DRG1: variants seen among roughly 807,000 people sequenced by gnomAD.
The protein encoded by DRG1 is developmentally-regulated GTP-binding protein 1.
A neutral mutation model predicts 38.8 loss-of-function variants in DRG1; 19 were observed. The observed-to-expected ratio is 0.49, with a 90% CI of 0.34 to 0.72. The LOEUF is 0.72. Ranked by LOEUF, DRG1 falls within the 30% of genes least tolerant of loss-of-function variation. DRG1 has a pLI of 0.01. For missense variants in DRG1, 299 were observed against 444.8 expected (o/e 0.67, Z 2.95); for synonymous variants, 167 against 157.5 (o/e 1.06, Z -0.45).
rs1357380410 is a variant in DRG1, at chr22:31,399,726, G to A, written c.42+1G>A. On this transcript the variant is annotated splice_donor_variant, in intron 1 of 8. Coordinates refer to ENST00000331457, the MANE Select transcript of DRG1 (RefSeq NM_004147.4). LOFTEE classifies it high-confidence loss of function. ...TAAGATCGCGGAGATAGAAGCAGAG[G>A]TAATGGACGCAGCTGGCGGTTCACT... is the stretch of plus-strand genomic sequence containing the variant. The A allele has an allele frequency of 6.2e-7, 1 of 1,614,000 alleles. No homozygotes were observed. Among genetic ancestry groups the A allele is most frequent in the Non-Finnish European group, 8.5e-7 (1 of 1,179,866 alleles).
At chr22:31,427,022 C>G (rs1370790810) in intron 7 of DRG1, 38 bp from the exon 8 acceptor site, 1 of 1,612,176 alleles carries the variant, frequency 6.2e-7, no homozygotes, top group Non-Finnish European at 8.5e-7. Context: ...ATGAGATAGT[C>G]TAAGAAGGCA....
intron 6 of DRG1, among the ~76,000 whole-genome samples, chr22:31,424,405 C>T (rs901849378): frequency 1.2e-4 from 18 of 151,740 alleles, no homozygotes; most frequent in Non-Finnish European, 2.6e-4. Flanking sequence ...CCTGCCTTGG[C>T]CTGCCAGAAT....
intron 6 of DRG1, among the ~76,000 whole-genome samples, chr22:31,424,703 G>T (rs2050098468): frequency 6.7e-6 from 1 of 150,078 alleles, no homozygotes; most frequent in Admixed American, 6.7e-5. Context: ...TTTCATGTTG[G>T]CCAGGCTGGT....
At position 31,426,693 on chromosome 22, in the gene DRG1, G is replaced by C. The variant is rs1332893511; in HGVS notation, c.792G>C (p.Val264=). ...AGGAATTGGATATCATCTATAAGGT[G>C]CCTCACTGTGTACCCATCTCTGCCC... is the stretch of plus-strand genomic sequence containing the variant. The part of the protein sequence containing the change: ...SIEELDIIYK[V]PHCVPISAHH... Residue 264 remains valine (V), a synonymous_variant, in exon 7 of 9, where the codon GTG becomes GTC. Coordinates refer to ENST00000331457, the MANE Select transcript of DRG1 (RefSeq NM_004147.4). 1 of 1,614,076 alleles carries C rather than the reference G, an allele frequency of 6.2e-7. No individual in the cohort carries two copies. Among genetic ancestry groups the C allele is most frequent in the Non-Finnish European group, 8.5e-7 (1 of 1,180,000 alleles).
chr22:31,422,961 C>G (rs577893317), intron 5 of DRG1, among the ~76,000 whole-genome samples: 8 of 152,182 alleles, frequency 5.3e-5, no homozygotes, highest in Admixed American at 3.3e-4. Flanking sequence ...TGGATTATGG[C>G]CCCACCCTAA....
chr22:31,402,207 A>T (rs2049965578), intron 2 of DRG1, among the ~76,000 whole-genome samples: 1 of 152,170 alleles, frequency 6.6e-6, no homozygotes, highest in South Asian at 2.1e-4. Flanking sequence ...AAGATTTAGG[A>T]CTAAAAGGAA....
intron 6 of DRG1, among the ~76,000 whole-genome samples, chr22:31,424,987 G>C (rs1459329940): frequency 6.6e-6 from 1 of 151,308 alleles, no homozygotes; most frequent in African/African-American, 2.4e-5. Context: ...ATTTTTAGTA[G>C]AGACGGGGTT....
chr22:31,417,942 G>T (rs972168796), intron 4 of DRG1, among the ~76,000 whole-genome samples: 1 of 146,794 alleles, frequency 6.8e-6, no homozygotes, highest in Non-Finnish European at 1.5e-5. Context: ...AGCTGAGGTC[G>T]CACCAATGCA....
At chr22:31,421,892 G>A (rs973004206) in intron 5 of DRG1, among the ~76,000 whole-genome samples, 10 of 151,822 alleles carry the variant, frequency 6.6e-5, no homozygotes, top group African/African-American at 1.9e-4. Context: ...CGAGGTGGGC[G>A]GATCACAAGG....
chr22:31,423,389 T>C lies in DRG1; in HGVS notation c.692T>C (p.Ile231Thr), dbSNP rs2050088261. The change falls in exon 6 of 9, where the codon ATT becomes ACT. Residue 231 changes from isoleucine (I) to threonine (T), a missense_variant. Physicochemically the swap from Ile to Thr is moderately conservative, Grantham distance 89. Around this residue, in one of 3 missense-constraint regions of DRG1, gnomAD observed 198 missense variants for 268.1 expected, o/e 0.74. Transcript: ENST00000331457. ...LRSDATADDL[I>T]DVVEGNRVYI... The stretch of plus-strand genomic sequence containing the variant: ...AGTGATGCTACAGCTGATGACCTCA[T>C]TGATGTGGTGGAAGGAAACAGGTAC... The C allele has an allele frequency of 1.9e-6, 3 of 1,613,950 alleles. No individual in the cohort carries two copies. The highest frequency in any genetic ancestry group is 2.5e-6 in the Non-Finnish European group (3 of 1,180,024).
intron 2 of DRG1, 34 bp downstream of exon 2, chr22:31,400,777 G>T (rs767051389): frequency 2.5e-6 from 4 of 1,590,242 alleles, no homozygotes; most frequent in Non-Finnish European, 3.4e-6. Flanking sequence ...ATATTTTTAG[G>T]TATAATTTTT....
At chr22:31,405,160 T>G (rs554763887) in intron 3 of DRG1, among the ~76,000 whole-genome samples, 1 of 151,988 alleles carries the variant, frequency 6.6e-6, no homozygotes, top group East Asian at 1.9e-4. Flanking sequence ...TGTAGAGGCC[T>G]TAATAAATTT....
In DRG1 at chr22:31,433,861, C is replaced by T; in HGVS notation, c.1005-11C>T. Reference sequence around the variant, plus strand: ...TATTTACACTGACTGTTCTTTTTCCCTTCCATGCAGTGCTCTGGTCTGGGG... The same window carrying T: ...TATTTACACTGACTGTTCTTTTTCCTTTCCATGCAGTGCTCTGGTCTGGGG... On this transcript the variant is annotated splice_polypyrimidine_tract_variant and intron_variant, in intron 8 of 8. Transcript: ENST00000331457. 6.2e-7 allele frequency: 1 copy of T among 1,612,906 alleles called. No homozygotes were observed. Among genetic ancestry groups the T allele is most frequent in the African/African-American group, 1.3e-5 (1 of 75,012 alleles).
chr22:31,413,615 T>TG (rs2050029567), intron 4 of DRG1, among the ~76,000 whole-genome samples: 1 of 125,346 alleles, frequency 8.0e-6, no homozygotes, highest in African/African-American at 3.0e-5. Flanking sequence ...GTGGGTTTTT[T>TG]TTTTTTTTTT....
intron 4 of DRG1, among the ~76,000 whole-genome samples, chr22:31,414,906 A>T (rs371554918): frequency 6.6e-6 from 1 of 151,466 alleles, no homozygotes; most frequent in East Asian, 1.9e-4. Context: ...TAGCCTCTTG[A>T]GTAGCTAAGG....
At chr22:31,431,393 G>A (rs1284761971) in intron 8 of DRG1, among the ~76,000 whole-genome samples, 2 of 152,186 alleles carry the variant, frequency 1.3e-5, no homozygotes, top group Non-Finnish European at 2.9e-5. Context: ...AGGGCTAGGT[G>A]TGGTAGCTCA....
intron 3 of DRG1, among the ~76,000 whole-genome samples, chr22:31,403,977 C>CTTTTTTTTT (rs11295429): frequency 2.4e-5 from 2 of 81,804 alleles, no homozygotes; most frequent in African/African-American, 4.8e-5. Context: ...AAGAGAATAA[C>CTTTTTTTTT]TTTTTTTTTT....
chr22:31,416,899 CAA>C (rs695533), intron 4 of DRG1, among the ~76,000 whole-genome samples: 361 of 127,354 alleles, frequency 2.8e-3, no homozygotes, highest in African/African-American at 3.0e-3. Flanking sequence ...GATTCTGTCT[CAA>C]AAAAAAAAAA....
chr22:31,412,560 A>G (rs1351159406), intron 4 of DRG1, among the ~76,000 whole-genome samples: 1 of 151,734 alleles, frequency 6.6e-6, no homozygotes, highest in East Asian at 2.0e-4. Flanking sequence ...CGTGTTAGCC[A>G]GGATGGTCTC....
Sources: allele counts gnomAD v4.1 joint callset (sites outside exome capture counted in the v4.1 genomes callset), GRCh38; gene constraint gnomAD v4.1.1; regional missense constraint gnomAD v4.1.1; transcripts MANE v1.5; gene names NCBI Gene and HGNC (gene_info 2026-07-23, HGNC 2026-07-21).